GRM7: variants seen among roughly 807,000 people sequenced by gnomAD.
The protein encoded by GRM7 is metabotropic glutamate receptor 7.
Under a neutral mutation model 84.5 loss-of-function variants are expected in GRM7, and 35 were observed. The observed-to-expected ratio is 0.41, with a 90% confidence interval of 0.32 to 0.55. The LOEUF (loss-of-function observed/expected upper bound fraction) is 0.55. Ranked by LOEUF, GRM7 falls within the 20% of genes least tolerant of loss-of-function variation. The probability of loss-of-function intolerance (pLI) is 0.19; values close to 1 mark genes in which losing one functional copy is unlikely to be tolerated. For synonymous variants in GRM7, 487 were observed against 455.1 expected, an observed-to-expected ratio of 1.07 and a Z score of -0.89; for missense variants, 1,003 against 1,194.6, an observed-to-expected ratio of 0.84 and a Z score of 2.36.
intron 2 of GRM7, among the ~76,000 whole-genome samples, chr3:7,156,688 T>A (rs1442597521): frequency 2.6e-5 from 4 of 152,188 alleles, no homozygotes; most frequent in Admixed American, 6.6e-5. Context: ...ATGGATTAGT[T>A]CACAGTTAAA....
intron 5 of GRM7, among the ~76,000 whole-genome samples, chr3:7,445,204 A>G (rs1265363224): frequency 6.6e-6 from 1 of 152,214 alleles, no homozygotes; most frequent in East Asian, 1.9e-4. Context: ...CATGGCCCGC[A>G]TGAACTTTTA....
intron 2 of GRM7, among the ~76,000 whole-genome samples, chr3:7,224,083 C>T (rs1312442491): frequency 6.6e-6 from 1 of 152,156 alleles, no homozygotes; most frequent in Non-Finnish European, 1.5e-5. Flanking sequence ...TTAGTCCATT[C>T]TTACACTCTT....
intron 1 of GRM7, among the ~76,000 whole-genome samples, chr3:7,108,421 C>A (rs946072544): frequency 1.3e-5 from 2 of 151,960 alleles, no homozygotes; most frequent in African/African-American, 4.8e-5. Flanking sequence ...CTCTGAAGAA[C>A]CAGTGATCTT....
intron 6 of GRM7, among the ~76,000 whole-genome samples, chr3:7,453,090 A>G (rs929992190): frequency 1.3e-5 from 2 of 148,340 alleles, no homozygotes; most frequent in African/African-American, 5.0e-5. Flanking sequence ...TGGGTATAGG[A>G]TGGAAGAGGA....
intron 8 of GRM7, chr3:7,607,251 C>T (rs1369619547): frequency 2.6e-5 from 4 of 151,754 alleles, no homozygotes; most frequent in Non-Finnish European, 5.9e-5. Context: ...TCTTCCTTGG[C>T]ATCATTAAAT....
At chr3:7,008,736 G>A (rs1047875057) in intron 1 of GRM7, among the ~76,000 whole-genome samples, 3 of 152,156 alleles carry the variant, frequency 2.0e-5, no homozygotes, top group African/African-American at 4.8e-5. Flanking sequence ...TTCAGAGCCT[G>A]AGTAGACTCA....
At chr3:7,269,872 C>T (rs556400717) in intron 2 of GRM7, among the ~76,000 whole-genome samples, 1 of 152,092 alleles carries the variant, frequency 6.6e-6, no homozygotes, top group African/African-American at 2.4e-5. Flanking sequence ...ATTTTTACTC[C>T]TGCTGTTTTC....
intron 2 of GRM7, among the ~76,000 whole-genome samples, chr3:7,276,201 ATATATATG>A (rs756528570): frequency 0.031 from 4,214 of 133,882 alleles, 117 homozygotes; most frequent in African/African-American, 0.082. Flanking sequence ...TTATATATAT[ATATATATG>A]TGTGTGTGTG....
chr3:7,186,534 A>G (rs985353306), intron 2 of GRM7, among the ~76,000 whole-genome samples: 6 of 152,202 alleles, frequency 3.9e-5, no homozygotes, highest in Admixed American at 3.3e-4. Context: ...AGGCCAGGGC[A>G]TAATTATTTG....
chr3:6,994,276 T>C (rs1694753373), intron 1 of GRM7, among the ~76,000 whole-genome samples: 2 of 152,092 alleles, frequency 1.3e-5, no homozygotes, highest in Admixed American at 6.5e-5. Flanking sequence ...GAAGGAGCAA[T>C]GTGGGTAGAG....
chr3:7,538,474 G>A (rs1437308409), intron 7 of GRM7, among the ~76,000 whole-genome samples: 1 of 152,044 alleles, frequency 6.6e-6, no homozygotes, highest in Non-Finnish European at 1.5e-5. Context: ...CCTGCTCCTG[G>A]GCTACAAACA....
At chr3:7,557,083 T>C (rs1440315464) in intron 7 of GRM7, among the ~76,000 whole-genome samples, 1 of 152,180 alleles carries the variant, frequency 6.6e-6, no homozygotes, top group Non-Finnish European at 1.5e-5. Context: ...GATGATTAGA[T>C]CTGCCTTCTG....
chr3:7,132,040 C>T (rs1453785587), intron 1 of GRM7, among the ~76,000 whole-genome samples: 1 of 152,158 alleles, frequency 6.6e-6, no homozygotes, highest in East Asian at 1.9e-4. Context: ...TTCATTTGCT[C>T]TTTTGCTAAA....
At chr3:7,034,313 A>T (rs1696297288) in intron 1 of GRM7, among the ~76,000 whole-genome samples, 1 of 152,134 alleles carries the variant, frequency 6.6e-6, no homozygotes. Flanking sequence ...ATCTGTGTTC[A>T]TCAGAAGCTA....
At chr3:6,901,400 C>T (rs1224284263) in intron 1 of GRM7, among the ~76,000 whole-genome samples, 2 of 151,902 alleles carry the variant, frequency 1.3e-5, no homozygotes, top group Non-Finnish European at 2.9e-5. Flanking sequence ...GAGATCAAGA[C>T]CGTCCTGGCC....
chr3:7,410,329 G>A (rs1173974976), intron 4 of GRM7, among the ~76,000 whole-genome samples: 2 of 152,126 alleles, frequency 1.3e-5, no homozygotes, highest in Non-Finnish European at 2.9e-5. Flanking sequence ...CCAACACTTT[G>A]GGAGGCCGAA....
At chr3:7,360,376 G>T (rs1478104594) in intron 4 of GRM7, among the ~76,000 whole-genome samples, 1 of 150,558 alleles carries the variant, frequency 6.6e-6, no homozygotes, top group Admixed American at 6.6e-5. Context: ...TCATAAAAAC[G>T]TATTCTCTAA....
At chr3:7,296,099 T>TAG (rs932913983) in intron 2 of GRM7, among the ~76,000 whole-genome samples, 1 of 150,738 alleles carries the variant, frequency 6.6e-6, no homozygotes, top group East Asian at 1.9e-4. Flanking sequence ...TATATATATA[T>TAG]AGAGAGAGAG....
chr3:6,875,652 C>A (rs1695275562), intron 1 of GRM7, among the ~76,000 whole-genome samples: 1 of 152,138 alleles, frequency 6.6e-6, no homozygotes, highest in African/African-American at 2.4e-5. Flanking sequence ...CCTGAGTTTT[C>A]TTTATCAAGC....
Sources: gnomAD v4.1 joint callset for allele counts (sites outside exome capture counted in the v4.1 genomes callset) on GRCh38, gnomAD v4.1.1 for gene constraint, MANE v1.5 for transcripts, NCBI Gene and HGNC (gene_info 2026-07-23, HGNC 2026-07-21) for gene names.